ZNF516: variants seen among roughly 807,000 people sequenced by gnomAD.
ZNF516 encodes the protein zinc finger protein 516.
In ZNF516, 19 loss-of-function variants were observed where a neutral mutation model predicts 79.7. That is an observed-to-expected ratio of 0.24 (90% confidence interval 0.17 to 0.35). ZNF516 has a LOEUF of 0.35. Among genes scored for constraint, ZNF516 ranks in the 10% least tolerant of loss-of-function variants. The probability of loss-of-function intolerance (pLI) is 1.00; values close to 1 mark genes in which losing one functional copy is unlikely to be tolerated. For missense variants in ZNF516, 1,678 were observed against 1,679.5 expected (o/e 1.00, Z 0.02); for synonymous variants, 877 against 739.5 (o/e 1.19, Z -3.02).
chr18:76,360,646 A>AAAAAAAAAAATATATATATATATAT lies in ZNF516; in HGVS notation c.*1851_*1852insATATATATATATATATTTTTTTTTT, dbSNP rs373540251. 1 of 72,492 alleles carries AAAAAAAAAAATATATATATATATAT rather than the reference A, an allele frequency of 1.4e-5. No homozygotes were observed. The highest frequency in any genetic ancestry group is 2.7e-5 in the Non-Finnish European group (1 of 36,932). The allele number at this position is 72,492 out of a possible 1,614,324, so 4.5% of individuals were successfully genotyped here. A position where few individuals can be genotyped will look rare whatever the true frequency, so the allele number is the denominator to read the frequency against. On this transcript the variant is annotated 3_prime_UTR_variant, in exon 7 of 7. Transcript: ENST00000443185. ...AAAAAAATAAGTAAAAAAAAAAAAA[A>AAAAAAAAAAATATATATATATATAT]ATATATATATATATATATATATATA...
At chr18:76,447,235 C>G (rs1419643893) in intron 2 of ZNF516, among the ~76,000 whole-genome samples, 1 of 152,240 alleles carries the variant, frequency 6.6e-6, no homozygotes, top group African/African-American at 2.4e-5. Flanking sequence ...CCATGGGCGG[C>G]CGCCCCAATT....
chr18:76,368,785 G>T (rs957396756), intron 6 of ZNF516, among the ~76,000 whole-genome samples: 1 of 152,018 alleles, frequency 6.6e-6, no homozygotes, highest in African/African-American at 2.4e-5. Context: ...GGTTATGCTG[G>T]GGCATAACCA....
At chr18:76,491,201 G>A (rs1338634498) in intron 1 of ZNF516, 2 of 783,320 alleles carry the variant, frequency 2.6e-6, no homozygotes, top group Non-Finnish European at 1.5e-6. Flanking sequence ...GGTCCACGCC[G>A]CCGCGCGGAC....
intron 6 of ZNF516, among the ~76,000 whole-genome samples, chr18:76,365,113 T>C (rs1400574550): frequency 6.6e-6 from 1 of 152,256 alleles, no homozygotes; most frequent in Non-Finnish European, 1.5e-5. Flanking sequence ...TGCATTATAA[T>C]AGCCACAGCT....
In ZNF516 at chr18:76,462,795, A is replaced by G. The variant is rs560306631; in HGVS notation, c.-158+233T>C. Among the ~76,000 whole-genome samples, 5 of 152,304 alleles carry G rather than the reference A, an allele frequency of 3.3e-5. No homozygotes were observed. The East Asian group carries it at 9.6e-4, about 29-fold the overall frequency. On this transcript the variant is annotated intron_variant, in intron 2 of 6. Transcript: ENST00000443185. ...TTTTTCAGCAGAAAACCTCATTCAC[A>G]CTGTGATCCCTATGTCCTCATCAAA...
chr18:76,412,297 G>A (rs2075380735), intron 3 of ZNF516, among the ~76,000 whole-genome samples: 1 of 152,254 alleles, frequency 6.6e-6, no homozygotes, highest in South Asian at 2.1e-4. Flanking sequence ...CCTCACTGGG[G>A]ACAGAGGGGA....
At position 76,441,870 on chromosome 18, in the gene ZNF516, G is replaced by A. The variant is rs769015401; in HGVS notation, c.1185C>T (p.Gly395=). The A allele has an allele frequency of 9.4e-5, 148 of 1,582,776 alleles. No individual in the cohort carries two copies. Among genetic ancestry groups the A allele is most frequent in the Non-Finnish European group, 1.2e-4 (140 of 1,170,866 alleles). The change falls in exon 3 of 7, where the codon GGC becomes GGT. Residue 395 remains glycine, a synonymous_variant. Coordinates refer to ENST00000443185, the MANE Select transcript of ZNF516 (RefSeq NM_014643.4). Reference sequence around the variant, plus strand: ...CGGCCTGCGTGCCAGGGCACGAGTCGCCGGCCGCCGACGGCCTCAGGTTCA... The same window carrying A: ...CGGCCTGCGTGCCAGGGCACGAGTCACCGGCCGCCGACGGCCTCAGGTTCA... ...QCLNLRPSAA[G]DSCPGTQAGR... is the part of the protein sequence containing the mutation.
rs545104731 is a variant in ZNF516, at chr18:76,452,861, C to A, written c.-157-9650G>T. ...GTCCAAGAAAAAATGAGGAAGGATACGGAAATTTTCTTTCCACAGTCCTTA... is the reference window on the plus strand; with the variant it reads ...GTCCAAGAAAAAATGAGGAAGGATAAGGAAATTTTCTTTCCACAGTCCTTA... On this transcript the variant is annotated intron_variant, in intron 2 of 6. Transcript: ENST00000443185. 1.7e-4 allele frequency among the ~76,000 whole-genome samples: 26 copies of A among 152,196 alleles called. 2 individuals carry two copies. The South Asian group carries it at 5.0e-3, about 29-fold the overall frequency.
At chr18:76,369,338 A>G (rs1379710359) in intron 6 of ZNF516, among the ~76,000 whole-genome samples, 2 of 152,218 alleles carry the variant, frequency 1.3e-5, no homozygotes, top group African/African-American at 4.8e-5. Context: ...AAAACCTGTA[A>G]TAAATGGCAA....
rs571811981 is a variant in ZNF516, at chr18:76,361,835, G to C, written c.*663C>G. The C allele has an allele frequency of 6.6e-6, 1 of 152,306 alleles. No individual in the cohort carries two copies. The highest frequency in any genetic ancestry group is 6.5e-5 in the Admixed American group (1 of 15,294). The allele number at this position is 152,306 out of a possible 1,614,324, so 9.4% of individuals were successfully genotyped here. A position where few individuals can be genotyped will look rare whatever the true frequency, so the allele number is the denominator to read the frequency against. On this transcript the variant is annotated 3_prime_UTR_variant, in exon 7 of 7. Coordinates refer to ENST00000443185, the MANE Select transcript of ZNF516 (RefSeq NM_014643.4). ...TTCGAATGGTGGGAAGAATGGAACA[G>C]GCACACGGCCCCAGGGAGGAGTGCG...
At chr18:76,447,558 G>C (rs1912132942) in intron 2 of ZNF516, among the ~76,000 whole-genome samples, 1 of 152,156 alleles carries the variant, frequency 6.6e-6, no homozygotes, top group Admixed American at 6.5e-5. Context: ...TTGTGCATGT[G>C]AGCCTGCCAC....
chr18:76,489,079 T>C (rs749780826), intron 1 of ZNF516, among the ~76,000 whole-genome samples: 1 of 152,230 alleles, frequency 6.6e-6, no homozygotes, highest in East Asian at 1.9e-4. Context: ...AGCATTAAGG[T>C]ATAATGCAGC....
chr18:76,485,069 T>TTTAGGA (rs1240916422), intron 1 of ZNF516, among the ~76,000 whole-genome samples: 1 of 152,178 alleles, frequency 6.6e-6, no homozygotes, highest in Admixed American at 6.5e-5. Flanking sequence ...TTAAGTTGGT[T>TTTAGGA]TTAGGAATGA....
At chr18:76,412,846 TTTC>T (rs1296329791) in intron 3 of ZNF516, among the ~76,000 whole-genome samples, 3 of 152,214 alleles carry the variant, frequency 2.0e-5, no homozygotes. Context: ...CTTTCTAGTC[TTTC>T]TTCCCTCAAT....
At chr18:76,486,686 GAAAA>G (rs11464561) in intron 1 of ZNF516, among the ~76,000 whole-genome samples, 2 of 142,458 alleles carry the variant, frequency 1.4e-5, no homozygotes, top group Non-Finnish European at 1.5e-5. Context: ...GGTTTTGAAG[GAAAA>G]AAAAAAAAAA....
intron 1 of ZNF516, among the ~76,000 whole-genome samples, chr18:76,480,529 A>ATATATT (rs374464151): frequency 0.017 from 2,386 of 141,956 alleles, 37 homozygotes; most frequent in African/African-American, 0.028. Flanking sequence ...ACACACATAT[A>ATATATT]TTTTTTTTTT....
intron 3 of ZNF516, among the ~76,000 whole-genome samples, chr18:76,426,540 TA>T (rs1024322679): frequency 1.3e-5 from 2 of 152,116 alleles, no homozygotes; most frequent in African/African-American, 4.8e-5. Flanking sequence ...ACTTTTTTTT[TA>T]AAGTATTTAT....
intron 2 of ZNF516, among the ~76,000 whole-genome samples, chr18:76,444,576 C>T (rs1377239507): frequency 1.3e-5 from 2 of 152,228 alleles, no homozygotes; most frequent in Admixed American, 1.3e-4. Flanking sequence ...GGGCCACCCA[C>T]GAAAAGACCT....
At chr18:76,481,281 GTTGC>G (rs1438930301) in intron 1 of ZNF516, among the ~76,000 whole-genome samples, 1 of 152,214 alleles carries the variant, frequency 6.6e-6, no homozygotes, top group Non-Finnish European at 1.5e-5. Flanking sequence ...ACTCAAAATT[GTTGC>G]TTATTTTCAG....
Sources: allele counts gnomAD v4.1 joint callset (sites outside exome capture counted in the v4.1 genomes callset), GRCh38; gene constraint gnomAD v4.1.1; transcripts MANE v1.5; gene names NCBI Gene and HGNC (gene_info 2026-07-23, HGNC 2026-07-21).